The following RORA variants were observed in gnomAD, a reference collection of about 807,000 sequenced individuals.
RORA encodes nuclear receptor ROR-alpha.
RORA carries 7 observed loss-of-function variants against 69.5 expected under a neutral mutation model. That is an observed-to-expected ratio of 0.10 (90% CI 0.06 to 0.19). The LOEUF is 0.19. RORA is among the 10% of genes least tolerant of loss of function. The probability of loss-of-function intolerance (pLI) is 1.00; values close to 1 mark genes in which losing one functional copy is unlikely to be tolerated. For synonymous variants in RORA, 261 were observed against 240.8 expected (o/e 1.08, Z -0.78); for missense variants, 457 against 663.0 (o/e 0.69, Z 3.41).
intron 1 of RORA, among the ~76,000 whole-genome samples, chr15:61,057,610 G>C (rs1364706072): frequency 6.6e-6 from 1 of 152,228 alleles, no homozygotes; most frequent in Non-Finnish European, 1.5e-5. Flanking sequence ...CACACTCAGT[G>C]TGTAATGACC....
chr15:60,790,515 A>G (rs1245958243), intron 1 of RORA, among the ~76,000 whole-genome samples: 1 of 152,230 alleles, frequency 6.6e-6, no homozygotes, highest in Non-Finnish European at 1.5e-5. Context: ...GGACTGACAG[A>G]GAATGGAAAC....
rs111837531 is a variant in RORA at position 60,550,849 on chromosome 15, T to C, written c.197-18998A>G. Among the ~76,000 whole-genome samples, 1,314 of 152,260 alleles carry C rather than the reference T, an allele frequency of 8.6e-3. 13 individuals are homozygous for C. The highest frequency in any genetic ancestry group is 0.03 in the African/African-American group (1,254 of 41,532). On this transcript the variant is annotated intron_variant, in intron 2 of 10. Transcript: ENST00000335670. ...GGCATACAAAGATAAGCTTTCAAAATTGAATGAACTCATTACCACAATTAA... is the reference window on the plus strand; with the variant it reads ...GGCATACAAAGATAAGCTTTCAAAACTGAATGAACTCATTACCACAATTAA...
At chr15:61,039,207 T>A (rs1420800899) in intron 1 of RORA, 1 of 152,146 alleles carries the variant, frequency 6.6e-6, no homozygotes, top group Non-Finnish European at 1.5e-5. Flanking sequence ...ATAAGTTTAG[T>A]GCAGGACTAT....
At chr15:61,111,359 A>T (rs2079004769) in intron 1 of RORA, among the ~76,000 whole-genome samples, 1 of 152,222 alleles carries the variant, frequency 6.6e-6, no homozygotes, top group Non-Finnish European at 1.5e-5. Flanking sequence ...CAAGTCTGGG[A>T]ATTACCACTG....
intron 9 of RORA, among the ~76,000 whole-genome samples, chr15:60,500,636 C>T (rs1437906832): frequency 6.6e-6 from 1 of 152,134 alleles, no homozygotes; most frequent in Non-Finnish European, 1.5e-5. Flanking sequence ...ATCCTGGAGA[C>T]TGGTGTTAAG....
At chr15:60,844,037 T>A (rs903679187) in intron 1 of RORA, among the ~76,000 whole-genome samples, 14 of 152,152 alleles carry the variant, frequency 9.2e-5, no homozygotes, top group African/African-American at 3.4e-4. Flanking sequence ...TATCTTCCCC[T>A]CTTTAACTGG....
chr15:60,814,529 G>A (rs1042870869), intron 1 of RORA, among the ~76,000 whole-genome samples: 10 of 152,236 alleles, frequency 6.6e-5, no homozygotes, highest in African/African-American at 2.2e-4. Context: ...TTCCTAAGAT[G>A]CCCAACATAG....
chr15:61,184,892 G>A (rs2079724640), intron 1 of RORA, among the ~76,000 whole-genome samples: 2 of 149,312 alleles, frequency 1.3e-5, no homozygotes, highest in South Asian at 2.1e-4. Flanking sequence ...GGCTGAGGTA[G>A]GAAGATACCT....
At chr15:60,538,958 A>G (rs1303574244) in intron 2 of RORA, among the ~76,000 whole-genome samples, 1 of 151,682 alleles carries the variant, frequency 6.6e-6, no homozygotes, top group African/African-American at 2.4e-5. Context: ...GCTTTAAAAA[A>G]AACATTTTTC....
chr15:60,633,986 G>A (rs1217867665), intron 2 of RORA, among the ~76,000 whole-genome samples: 5 of 152,194 alleles, frequency 3.3e-5, no homozygotes, highest in Admixed American at 6.5e-5. Context: ...TCACATGGCT[G>A]TGAAGTTACA....
intron 1 of RORA, among the ~76,000 whole-genome samples, chr15:61,087,158 A>G (rs2078638061): frequency 6.6e-6 from 1 of 152,206 alleles, no homozygotes; most frequent in Non-Finnish European, 1.5e-5. Flanking sequence ...CCCTGTCTCC[A>G]AAACAAAAAC....
rs140075780 is a variant in RORA, at chr15:60,731,010, C to G, written c.167-52324G>C. Among the ~76,000 whole-genome samples, 21 of 152,214 alleles carry G rather than the reference C, an allele frequency of 1.4e-4. No individual in the cohort carries two copies. The East Asian group carries it at 3.1e-3, about 22-fold the overall frequency. ...ATATTTCATCACTCAGGTATTAAGC[C>G]TGATACCCATTAGTTATTCTTCCTA... is the stretch of plus-strand genomic sequence containing the variant. On this transcript the variant is annotated intron_variant, in intron 1 of 10. Coordinates refer to ENST00000335670, the MANE Select transcript of RORA (RefSeq NM_134261.3).
At chr15:61,189,344 T>G (rs1158450667) in intron 1 of RORA, among the ~76,000 whole-genome samples, 1 of 152,226 alleles carries the variant, frequency 6.6e-6, no homozygotes, top group African/African-American at 2.4e-5. Context: ...AGTGCCTGTA[T>G]CCACGCACTC....
intron 1 of RORA, among the ~76,000 whole-genome samples, chr15:61,001,105 T>C (rs1894730611): frequency 1.3e-5 from 2 of 152,238 alleles, no homozygotes; most frequent in African/African-American, 4.8e-5. Context: ...CACTGGTTTC[T>C]TGTAAGTCCT....
intron 1 of RORA, among the ~76,000 whole-genome samples, chr15:60,968,624 A>T (rs1478564618): frequency 3.9e-5 from 6 of 152,240 alleles, no homozygotes; most frequent in East Asian, 1.9e-4. Flanking sequence ...TTTGTATTTT[A>T]AAAATGTCAA....
intron 1 of RORA, among the ~76,000 whole-genome samples, chr15:60,844,602 G>C (rs1347373740): frequency 1.3e-5 from 2 of 152,196 alleles, no homozygotes; most frequent in Non-Finnish European, 2.9e-5. Flanking sequence ...GCAAGAAGCA[G>C]CAAAGAAGAT....
At position 61,093,720 on chromosome 15, in the gene RORA, T is replaced by A. The variant is rs181742512; in HGVS notation, c.166+135333A>T. Among the ~76,000 whole-genome samples, 6 of 152,364 alleles carry A rather than the reference T, an allele frequency of 3.9e-5. No individual in the cohort carries two copies. The East Asian group carries it at 9.6e-4, about 24-fold the overall frequency. ...TGGTGGTGTGGCAAAGCTGTTCTCA[T>A]GACCCATAACTCGATGGCCACCTCT... On this transcript the variant is annotated intron_variant, in intron 1 of 10. Transcript: ENST00000335670.
At chr15:60,516,212 T>A (rs185740487) in intron 3 of RORA, among the ~76,000 whole-genome samples, 180 of 7,822 alleles carry the variant, frequency 0.023, 11 homozygotes, top group African/African-American at 0.1. Context: ...TATATATTTA[T>A]ATATATATAT....
intron 2 of RORA, among the ~76,000 whole-genome samples, chr15:60,562,488 T>C (rs2067595705): frequency 6.6e-6 from 1 of 150,864 alleles, no homozygotes; most frequent in Non-Finnish European, 1.5e-5. Context: ...CAGGCTGGAG[T>C]GCAGTGGCTC....
Sources: allele counts gnomAD v4.1 joint callset (sites outside exome capture counted in the v4.1 genomes callset), GRCh38; gene constraint gnomAD v4.1.1; transcripts MANE v1.5; gene names NCBI Gene and HGNC (gene_info 2026-07-23, HGNC 2026-07-21).